Variants in YWHAQ observed in about 807,000 individuals in gnomAD.
The protein encoded by YWHAQ is tyrosine 3-monooxygenase/tryptophan 5-monooxygenase activation protein theta.
YWHAQ carries 6 observed loss-of-function variants against 28.3 expected under a neutral mutation model. That is an observed-to-expected ratio of 0.21 (90% confidence interval 0.12 to 0.42). YWHAQ has a LOEUF of 0.42. Among genes scored for constraint, YWHAQ ranks in the 10% least tolerant of loss-of-function variants. The pLI is 1.00. For missense variants in YWHAQ, 201 were observed against 305.6 expected (o/e 0.66, Z 2.55); for synonymous variants, 143 against 119.1 (o/e 1.20, Z -1.31).
chr2:9,606,836 G>A (rs1262538849), intron 2 of YWHAQ, among the ~76,000 whole-genome samples: 2 of 151,590 alleles, frequency 1.3e-5, no homozygotes, highest in East Asian at 1.9e-4. Flanking sequence ...TCTCTCAGAT[G>A]AAACTATATG....
intron 2 of YWHAQ, among the ~76,000 whole-genome samples, chr2:9,624,199 T>C (rs920223036): frequency 6.6e-6 from 1 of 152,166 alleles, no homozygotes; most frequent in African/African-American, 2.4e-5. Flanking sequence ...GAGGTTGCAG[T>C]GAGCCCAGAT....
intron 4 of YWHAQ, among the ~76,000 whole-genome samples, 187 bp from the exon 5 acceptor site, chr2:9,587,696 C>T (rs1294026231): frequency 6.6e-6 from 1 of 152,206 alleles, no homozygotes; most frequent in Non-Finnish European, 1.5e-5. Flanking sequence ...TTTTATAAAA[C>T]TATACACTTA....
chr2:9,597,985 A>ATTTTTTTTTTTTTTTTTTT (rs547582835), intron 2 of YWHAQ, among the ~76,000 whole-genome samples: 1 of 62,476 alleles, frequency 1.6e-5, no homozygotes, highest in African/African-American at 6.0e-5. Flanking sequence ...ATGCCGGGCT[A>ATTTTTTTTTTTTTTTTTTT]TTTTTTTTTT....
intron 2 of YWHAQ, among the ~76,000 whole-genome samples, chr2:9,605,620 G>T (rs1666809151): frequency 1.3e-5 from 2 of 152,182 alleles, no homozygotes; most frequent in East Asian, 3.9e-4. Context: ...GAGTGCAGTG[G>T]TGCGATCTCG....
chr2:9,625,871 G>A (rs1056386748), intron 2 of YWHAQ, among the ~76,000 whole-genome samples: 1 of 152,104 alleles, frequency 6.6e-6, no homozygotes. Flanking sequence ...AAAAGGTAAT[G>A]GAGCAACGAT....
intron 2 of YWHAQ, among the ~76,000 whole-genome samples, chr2:9,594,899 A>T (rs1421319142): frequency 6.6e-6 from 1 of 152,224 alleles, no homozygotes; most frequent in Non-Finnish European, 1.5e-5. Context: ...AGGACTGTGG[A>T]CAAAGGGCCT....
At chr2:9,625,715 T>C (rs1023353956) in intron 2 of YWHAQ, among the ~76,000 whole-genome samples, 3 of 152,172 alleles carry the variant, frequency 2.0e-5, no homozygotes, top group African/African-American at 7.2e-5. Context: ...GTGCTTAAAA[T>C]AGTGTTTAGT....
intron 5 of YWHAQ, among the ~76,000 whole-genome samples, chr2:9,586,904 A>C (rs1389264308): frequency 1.3e-5 from 2 of 152,222 alleles, no homozygotes; most frequent in Admixed American, 1.3e-4. Flanking sequence ...TTGCCTATCT[A>C]AGAAGCAGGG....
intron 2 of YWHAQ, chr2:9,620,599 T>C (rs1667123302): frequency 1.3e-5 from 2 of 152,202 alleles, no homozygotes; most frequent in Non-Finnish European, 1.5e-5. Flanking sequence ...AACTTCATAT[T>C]ATCCTTCTCA....
chr2:9,594,937 G>C (rs1198934611), intron 2 of YWHAQ, among the ~76,000 whole-genome samples: 1 of 152,202 alleles, frequency 6.6e-6, no homozygotes, highest in Non-Finnish European at 1.5e-5. Context: ...CTGCCAAACA[G>C]CTACTGCATT....
At chr2:9,588,138 T>C in intron 4 of YWHAQ, 27 bp downstream of exon 4, 1 of 1,509,234 alleles carries the variant, frequency 6.6e-7, no homozygotes, top group African/African-American at 1.5e-5. Flanking sequence ...GTAGCTAAAG[T>C]ACGTATTTCC....
At chr2:9,628,506 G>A (rs911092870) in intron 2 of YWHAQ, among the ~76,000 whole-genome samples, 1 of 152,192 alleles carries the variant, frequency 6.6e-6, no homozygotes, top group African/African-American at 2.4e-5. Context: ...GAAAAATCAC[G>A]CGGTGATTCT....
At chr2:9,604,339 T>C (rs1183426320) in intron 2 of YWHAQ, among the ~76,000 whole-genome samples, 1 of 152,156 alleles carries the variant, frequency 6.6e-6, no homozygotes, top group Admixed American at 6.5e-5. Flanking sequence ...TGACTTTCTT[T>C]ATAAAAGAAA....
intron 2 of YWHAQ, among the ~76,000 whole-genome samples, chr2:9,600,315 T>C (rs1260883732): frequency 1.3e-5 from 2 of 152,176 alleles, no homozygotes; most frequent in Non-Finnish European, 2.9e-5. Flanking sequence ...TAAACTTAGT[T>C]GATAGAGCAG....
intron 2 of YWHAQ, among the ~76,000 whole-genome samples, chr2:9,602,829 TAAAAAAAAAAAAA>T (rs869073430): frequency 1.4e-3 from 53 of 37,114 alleles, no homozygotes; most frequent in South Asian, 5.5e-3. Context: ...ATGCCTAATT[TAAAAAAAAAAAAA>T]AAAAAAAAAA....
intron 4 of YWHAQ, 125 bp from the exon 5 acceptor site, chr2:9,587,634 C>T (rs1211533001): frequency 1.5e-5 from 11 of 725,652 alleles, no homozygotes; most frequent in Admixed American, 6.2e-5. Flanking sequence ...ACAAACTCAA[C>T]AGAACCATTC....
intron 2 of YWHAQ, among the ~76,000 whole-genome samples, chr2:9,626,585 C>G (rs560081544): frequency 1.2e-4 from 19 of 152,220 alleles, no homozygotes; most frequent in Non-Finnish European, 1.2e-4. Context: ...TGTGCCACCA[C>G]GCCTGGCTAA....
At chr2:9,601,381 C>A (rs113252799) in intron 2 of YWHAQ, among the ~76,000 whole-genome samples, 119 of 152,184 alleles carry the variant, frequency 7.8e-4, no homozygotes, top group African/African-American at 2.6e-3. Flanking sequence ...ACTGCTTGAA[C>A]CCAGGAGGCA....
At chr2:9,617,837 G>A (rs2125072077) in intron 2 of YWHAQ, among the ~76,000 whole-genome samples, 1 of 151,984 alleles carries the variant, frequency 6.6e-6, no homozygotes, top group East Asian at 1.9e-4. Context: ...TGAAGTAGGA[G>A]GATCCCTTGA....
Sources: gnomAD v4.1 joint callset for allele counts (sites outside exome capture counted in the v4.1 genomes callset) on GRCh38, gnomAD v4.1.1 for gene constraint, MANE v1.5 for transcripts, NCBI Gene and HGNC (gene_info 2026-07-23, HGNC 2026-07-21) for gene names.